Variants in ROBO1 observed in about 807,000 individuals in gnomAD.
ROBO1 encodes the protein roundabout guidance receptor 1, also known as roundabout homolog 1.
In ROBO1, 149 loss-of-function variants were observed where a neutral mutation model predicts 195.9. The ratio of observed to expected loss-of-function variants is 0.76; its 90% CI spans 0.67 to 0.87. The LOEUF (loss-of-function observed/expected upper bound fraction) is 0.87. Ranked by LOEUF, ROBO1 falls within the 40% of genes least tolerant of loss-of-function variation. The pLI is 0.00. For missense variants in ROBO1, 1,933 were observed against 2,068.3 expected (o/e 0.93, Z 1.27); for synonymous variants, 816 against 733.2 (o/e 1.11, Z -1.82).
At chr3:79,711,419 T>C (rs1297551619) in intron 1 of ROBO1, among the ~76,000 whole-genome samples, 5 of 152,206 alleles carry the variant, frequency 3.3e-5, no homozygotes, top group African/African-American at 1.2e-4. Context: ...TAAGAATAAA[T>C]ATAGCTCAGA....
chr3:79,427,445 A>C (rs761035591), intron 2 of ROBO1, among the ~76,000 whole-genome samples: 1 of 152,160 alleles, frequency 6.6e-6, no homozygotes, highest in Non-Finnish European at 1.5e-5. Context: ...TGTTTAGGGG[A>C]CGCAATTCTA....
intron 1 of ROBO1, among the ~76,000 whole-genome samples, chr3:79,652,430 C>G (rs9865392): frequency 0.57 from 86,774 of 151,882 alleles, 25,047 homozygotes; most frequent in South Asian, 0.67. Flanking sequence ...ATTATGGCAC[C>G]TAGAAGATTA....
At chr3:79,392,134 G>C (rs1192948253) in intron 2 of ROBO1, among the ~76,000 whole-genome samples, 1 of 152,162 alleles carries the variant, frequency 6.6e-6, no homozygotes, top group Non-Finnish European at 1.5e-5. Flanking sequence ...CTCAAGGAAG[G>C]GATCCTCTGA....
At chr3:78,670,601 C>T (rs567159361) in intron 10 of ROBO1, 44 of 278,824 alleles carry the variant, frequency 1.6e-4, no homozygotes, top group African/African-American at 8.5e-4. Flanking sequence ...GATACAGAGA[C>T]GTGATCATGG....
intron 3 of ROBO1, among the ~76,000 whole-genome samples, chr3:79,083,089 C>T (rs545709718): frequency 3.3e-5 from 5 of 151,856 alleles, no homozygotes; most frequent in South Asian, 2.1e-4. Context: ...CCCAGCTAGT[C>T]GGGAGGCTGA....
At chr3:79,588,548 T>C (rs1431105131) in intron 2 of ROBO1, among the ~76,000 whole-genome samples, 1 of 151,752 alleles carries the variant, frequency 6.6e-6, no homozygotes, top group Non-Finnish European at 1.5e-5. Context: ...AACACTTTCA[T>C]ATAAGTATCC....
At chr3:79,064,362 C>A (rs1307936187) in intron 3 of ROBO1, among the ~76,000 whole-genome samples, 2 of 151,888 alleles carry the variant, frequency 1.3e-5, no homozygotes, top group Non-Finnish European at 2.9e-5. Context: ...CCAAATGCTT[C>A]CTCTCAGTCT....
intron 3 of ROBO1, among the ~76,000 whole-genome samples, chr3:78,978,918 C>T (rs1051250748): frequency 4.6e-5 from 7 of 152,178 alleles, no homozygotes; most frequent in African/African-American, 1.7e-4. Context: ...AACATTAGTA[C>T]TCTTCAAGTT....
At chr3:79,111,426 C>T (rs2079884722) in intron 3 of ROBO1, among the ~76,000 whole-genome samples, 1 of 152,160 alleles carries the variant, frequency 6.6e-6, no homozygotes, top group African/African-American at 2.4e-5. Context: ...CTACTTTTCC[C>T]TTGCCAGCAG....
chr3:79,021,963 A>G (rs762584292), intron 3 of ROBO1, among the ~76,000 whole-genome samples: 5 of 152,140 alleles, frequency 3.3e-5, no homozygotes, highest in Non-Finnish European at 5.9e-5. Flanking sequence ...CGCCCGGCCT[A>G]GAGATGATAT....
At chr3:79,533,728 C>G (rs1941746982) in intron 2 of ROBO1, among the ~76,000 whole-genome samples, 1 of 152,114 alleles carries the variant, frequency 6.6e-6, no homozygotes, top group Admixed American at 6.6e-5. Context: ...GATTTACAAG[C>G]TCTTTTGAAA....
At chr3:78,868,344 A>G (rs1360620680) in intron 4 of ROBO1, among the ~76,000 whole-genome samples, 1 of 151,326 alleles carries the variant, frequency 6.6e-6, no homozygotes, top group Non-Finnish European at 1.5e-5. Context: ...GTCTTAATGA[A>G]AAAATAAATT....
chr3:78,624,526 C>T (rs561301837), intron 26 of ROBO1, among the ~76,000 whole-genome samples: 1 of 152,112 alleles, frequency 6.6e-6, no homozygotes, highest in East Asian at 1.9e-4. Context: ...TACCCAATTA[C>T]ATATATCTGC....
chr3:78,781,885 A>T (rs73113488), intron 4 of ROBO1, among the ~76,000 whole-genome samples: 38,831 of 152,050 alleles, frequency 0.26, 5,121 homozygotes, highest in Non-Finnish European at 0.28. Context: ...AGTAAATAAA[A>T]ACATTTACAA....
intron 2 of ROBO1, among the ~76,000 whole-genome samples, chr3:79,227,682 C>A (rs187597103): frequency 5.6e-4 from 86 of 152,288 alleles, no homozygotes; most frequent in African/African-American, 1.9e-3. Flanking sequence ...GTGCCAACAG[C>A]TTAGTCTAAG....
chr3:79,652,875 C>A (rs1004500794), intron 1 of ROBO1, among the ~76,000 whole-genome samples: 1 of 151,842 alleles, frequency 6.6e-6, no homozygotes, highest in East Asian at 1.9e-4. Context: ...TTGAAATATT[C>A]TATTTCAAAT....
intron 2 of ROBO1, among the ~76,000 whole-genome samples, chr3:79,524,177 G>GTA (rs992710457): frequency 4.6e-5 from 7 of 151,026 alleles, no homozygotes; most frequent in Admixed American, 1.3e-4. Flanking sequence ...AAGTGTGTGT[G>GTA]TGTGTGTGTG....
At position 79,018,697 on chromosome 3, in the gene ROBO1, C is replaced by A. The variant is rs528550515; in HGVS notation, c.173-79770G>T. On this transcript the variant is annotated intron_variant, in intron 3 of 30. Transcript: ENST00000464233. ...TTGTCTTCTCCGGCCCCAGGATTTC[C>A]GAGGAGGCTCAGACACTTTCAAGAA... 1.3e-4 allele frequency: 174 copies of A among 1,344,234 alleles called. 5 individuals carry two copies. The South Asian group carries it at 2.7e-3, about 21-fold the overall frequency. 83.3% of individuals were successfully genotyped at this position (1,344,234 alleles called of 1,614,324 possible). A position where few individuals can be genotyped will look rare whatever the true frequency, so the allele number is the denominator to read the frequency against.
intron 3 of ROBO1, among the ~76,000 whole-genome samples, chr3:79,019,622 AG>A (rs1036719329): frequency 4.6e-5 from 7 of 152,086 alleles, no homozygotes; most frequent in African/African-American, 1.4e-4. Context: ...TCCACAAGCC[AG>A]GGGTGCCCAA....
Sources: gnomAD v4.1 joint callset for allele counts (sites outside exome capture counted in the v4.1 genomes callset) on GRCh38, gnomAD v4.1.1 for gene constraint, MANE v1.5 for transcripts, NCBI Gene and HGNC (gene_info 2026-07-23, HGNC 2026-07-21) for gene names.